The following FOCAD variants were observed in gnomAD, a reference collection of about 807,000 sequenced individuals.
FOCAD encodes focadhesin.
Under a neutral mutation model 225.6 loss-of-function variants are expected in FOCAD, and 198 were observed. The observed-to-expected ratio is 0.88, with a 90% CI of 0.78 to 0.99. The LOEUF (loss-of-function observed/expected upper bound fraction) is 0.99, where lower values mean the gene tolerates loss of function less well. Among genes scored for constraint, FOCAD ranks in the 50% least tolerant of loss-of-function variants. FOCAD has a pLI of 0.00. For synonymous variants in FOCAD, 897 were observed against 755.0 expected (o/e 1.19, Z -3.08); for missense variants, 2,713 against 2,123.6 (o/e 1.28, Z -5.46).
At chr9:20,942,387 G>C (rs1171171764) in intron 28 of FOCAD, among the ~76,000 whole-genome samples, 2 of 152,138 alleles carry the variant, frequency 1.3e-5, no homozygotes, top group Non-Finnish European at 2.9e-5. Context: ...ATACTTCCTT[G>C]TTTATTCAGA....
At chr9:20,923,806 G>T (rs770675537) in intron 25 of FOCAD, 38 bp downstream of exon 25, 1 of 1,506,094 alleles carries the variant, frequency 6.6e-7, no homozygotes, top group East Asian at 2.3e-5. Context: ...CTTTGATTAT[G>T]TCTTTTTAAG....
chr9:20,772,441 A>G (rs1818334386), intron 8 of FOCAD, among the ~76,000 whole-genome samples: 1 of 152,102 alleles, frequency 6.6e-6, no homozygotes, highest in Non-Finnish European at 1.5e-5. Context: ...GTTATTTGGA[A>G]TTTACTGATA....
chr9:20,791,229 A>ACACACT, intron 11 of FOCAD, among the ~76,000 whole-genome samples: 1 of 91,068 alleles, frequency 1.1e-5, no homozygotes, highest in Non-Finnish European at 2.4e-5. Flanking sequence ...GCACACACAC[A>ACACACT]CACACACTCA....
At chr9:20,751,319 C>G (rs1315773533) in intron 5 of FOCAD, among the ~76,000 whole-genome samples, 1 of 118,734 alleles carries the variant, frequency 8.4e-6, no homozygotes, top group Non-Finnish European at 1.7e-5. Flanking sequence ...CCTCCCCCCA[C>G]CCCACAACAG....
chr9:20,793,812 T>G (rs1172797884), intron 11 of FOCAD, among the ~76,000 whole-genome samples: 2 of 152,168 alleles, frequency 1.3e-5, no homozygotes, highest in African/African-American at 4.8e-5. Context: ...TGTGGTAACT[T>G]TGAATTTCAT....
intron 2 of FOCAD, among the ~76,000 whole-genome samples, chr9:20,679,121 A>ATATGTGTG (rs1554650517): frequency 8.2e-6 from 1 of 121,940 alleles, no homozygotes; most frequent in African/African-American, 3.0e-5. Flanking sequence ...CAGTCTGTGT[A>ATATGTGTG]TGTGTGTGTG....
intron 4 of FOCAD, among the ~76,000 whole-genome samples, chr9:20,726,031 A>G (rs1206465806): frequency 6.6e-6 from 1 of 152,236 alleles, no homozygotes; most frequent in Non-Finnish European, 1.5e-5. Flanking sequence ...CACAAAAGAA[A>G]CACAGTAAGG....
At chr9:20,698,378 G>A (rs7467486) in intron 1 of FOCAD, among the ~76,000 whole-genome samples, 8 of 149,758 alleles carry the variant, frequency 5.3e-5, no homozygotes, top group Non-Finnish European at 8.9e-5. Context: ...ACACACACAC[G>A]CACACACACA....
chr9:20,790,830 C>T (rs562160792), intron 11 of FOCAD, among the ~76,000 whole-genome samples: 3 of 152,122 alleles, frequency 2.0e-5, no homozygotes, highest in Non-Finnish European at 2.9e-5. Flanking sequence ...TTTTTAACCT[C>T]AAATTGTCAT....
At chr9:20,975,825 T>C (rs970584637) in intron 35 of FOCAD, among the ~76,000 whole-genome samples, 2 of 152,122 alleles carry the variant, frequency 1.3e-5, no homozygotes, top group African/African-American at 2.4e-5. Context: ...GCTAAAAAAG[T>C]TGATCTCATA....
In FOCAD at chr9:20,923,637, GAAATTTTTTTCCTT is replaced by G. The variant is rs764432952; in HGVS notation, c.2853-22_2853-9del. 1.8e-5 allele frequency: 29 copies of G among 1,597,502 alleles called. No homozygotes were observed. The highest frequency in any genetic ancestry group is 6.9e-6 in the Non-Finnish European group (8 of 1,166,000). ...CTGGTTAATACCAAAGTTCTCTGTT[GAAATTTTTTTCCTT>G]TTGAACAGGGAGAGTCCGGTAGTGA... On this transcript the variant is annotated splice_polypyrimidine_tract_variant and intron_variant, in intron 24 of 43. Coordinates refer to ENST00000338382, the MANE Select transcript of FOCAD (RefSeq NM_001375567.1).
chr9:20,675,836 G>C (rs970583922), intron 2 of FOCAD, among the ~76,000 whole-genome samples: 2 of 152,194 alleles, frequency 1.3e-5, no homozygotes, highest in African/African-American at 4.8e-5. Flanking sequence ...AGATGATTTT[G>C]AGTGGTTTTC....
rs1826922190 is a variant in FOCAD, at chr9:20,844,876, T to G, written c.1921-17702T>G. Among the ~76,000 whole-genome samples the G allele has an allele frequency of 2.0e-5, 3 of 152,132 alleles. No homozygotes were observed. The East Asian group carries it at 5.8e-4, about 29-fold the overall frequency. ...GATTTTTGTTTCTCTTTCGTGAAAT[T>G]TTCCTATCCCTTAGGTTTGTGTCCT... On this transcript the variant is annotated intron_variant, in intron 15 of 43. Transcript: ENST00000338382.
chr9:20,752,254 A>G (rs576186318), intron 5 of FOCAD, among the ~76,000 whole-genome samples: 2 of 151,730 alleles, frequency 1.3e-5, no homozygotes, highest in Non-Finnish European at 2.9e-5. Flanking sequence ...CCTGAATGGT[A>G]ATGCCTAGGT....
At chr9:20,819,952 C>T (rs889231712) in intron 12 of FOCAD, 52 bp downstream of exon 12, 1 of 1,077,018 alleles carries the variant, frequency 9.3e-7, no homozygotes, top group Non-Finnish European at 1.3e-6. Context: ...ATGAATAATA[C>T]TTTGAATTCT....
At chr9:20,752,541 A>G (rs1409249446) in intron 5 of FOCAD, among the ~76,000 whole-genome samples, 1 of 152,150 alleles carries the variant, frequency 6.6e-6, no homozygotes, top group East Asian at 1.9e-4. Context: ...TACCAGTACC[A>G]TGCTGTTTTG....
intron 11 of FOCAD, among the ~76,000 whole-genome samples, chr9:20,797,305 T>A (rs1480993541): frequency 6.6e-6 from 1 of 152,240 alleles, no homozygotes; most frequent in East Asian, 1.9e-4. Context: ...TGTGGGCTCC[T>A]TTTTGGTTCC....
At chr9:20,827,453 C>A (rs946867926) in intron 15 of FOCAD, among the ~76,000 whole-genome samples, 22 of 151,912 alleles carry the variant, frequency 1.4e-4, no homozygotes, top group African/African-American at 5.1e-4. Flanking sequence ...AAATGATGGA[C>A]ATTTGCCACT....
chr9:20,664,228 T>A (rs964425425), intron 2 of FOCAD, among the ~76,000 whole-genome samples: 2 of 151,258 alleles, frequency 1.3e-5, no homozygotes, highest in African/African-American at 4.9e-5. Context: ...AAAAATAGTT[T>A]ATAGTATTAA....
Sources: allele counts gnomAD v4.1 joint callset (sites outside exome capture counted in the v4.1 genomes callset), GRCh38; gene constraint gnomAD v4.1.1; transcripts MANE v1.5; gene names NCBI Gene and HGNC (gene_info 2026-07-23, HGNC 2026-07-21).